GRIK5: variants seen among roughly 807,000 people sequenced by gnomAD.
GRIK5 encodes glutamate receptor ionotropic, kainate 5.
GRIK5 carries 43 observed loss-of-function variants against 97.4 expected under a neutral mutation model. The ratio of observed to expected loss-of-function variants is 0.44; its 90% CI spans 0.35 to 0.57. GRIK5 has a LOEUF of 0.57. Ranked by LOEUF, GRIK5 falls within the 20% of genes least tolerant of loss-of-function variation. GRIK5 has a pLI of 0.01. For synonymous variants in GRIK5, 580 were observed against 583.5 expected (o/e 0.99, Z 0.09); for missense variants, 1,015 against 1,382.0 (o/e 0.73, Z 4.21).
In GRIK5 at chr19:42,069,689, A is replaced by AGGAAGCC. The variant is rs2076396805; in HGVS notation, c.-506_-500dup. ...AGGGGGCGAGGACTGGGTGGAGAAA[A>AGGAAGCC]GGAAGCCGGCCATCAGGAGAAGTGG... On this transcript the variant is annotated 5_prime_UTR_variant, in exon 1 of 20. It removes the in-frame stop codon of an upstream open reading frame in the 5' UTR. Coordinates refer to ENST00000593562, the MANE Select transcript of GRIK5 (RefSeq NM_002088.5). 8.0e-6 allele frequency among the ~76,000 whole-genome samples: 1 copy of AGGAAGCC among 124,622 alleles called. No individual in the cohort carries two copies. Among genetic ancestry groups the AGGAAGCC allele is most frequent in the East Asian group, 2.6e-4 (1 of 3,802 alleles). The allele number at this position is 124,622 out of a possible 152,430, so 81.8% of individuals were successfully genotyped here.
At chr19:42,011,590 G>T (rs2075563509) in intron 15 of GRIK5, among the ~76,000 whole-genome samples, 1 of 149,506 alleles carries the variant, frequency 6.7e-6, no homozygotes, top group Non-Finnish European at 1.5e-5. Context: ...ATAAATTAAA[G>T]ATCCATATTG....
chr19:42,054,480 G>T lies in GRIK5; in HGVS notation c.904-8C>A. Reference sequence around the variant, plus strand: ...CATCAGGGCGGCTGACAGCTGCGGTGGGACAGAGGCGGGGGTGGGATGGAT... The same window carrying T: ...CATCAGGGCGGCTGACAGCTGCGGTTGGACAGAGGCGGGGGTGGGATGGAT... On this transcript the variant is annotated splice_polypyrimidine_tract_variant and splice_region_variant and intron_variant, in intron 8 of 19. Transcript: ENST00000593562. The T allele has an allele frequency of 6.2e-7, 1 of 1,611,102 alleles. No individual in the cohort carries two copies.
intron 12 of GRIK5, among the ~76,000 whole-genome samples, chr19:42,038,431 G>C (rs1403611039): frequency 6.6e-6 from 1 of 152,246 alleles, no homozygotes; most frequent in Non-Finnish European, 1.5e-5. Flanking sequence ...GGCTCTCCTG[G>C]TCACTAGCCA....
At chr19:42,030,887 T>C (rs537035443) in intron 12 of GRIK5, among the ~76,000 whole-genome samples, 2 of 152,296 alleles carry the variant, frequency 1.3e-5, no homozygotes, top group East Asian at 3.9e-4. Flanking sequence ...CTGATCAGCA[T>C]ACTGTTGTCA....
In GRIK5 at chr19:42,003,354, C is replaced by T. The variant is rs781893931; in HGVS notation, c.2492G>A (p.Arg831Gln). The change falls in exon 19 of 20, where the codon CGG (arginine) becomes CAG (glutamine). Residue 831 changes from arginine (R) to glutamine (Q), a missense_variant. Transcript: ENST00000593562. The surrounding 1 kb of genome is among the most constrained non-coding windows in gnomAD (Gnocchi z 4.2). ...VAVMEFIWSTRRSAESEEVSV... is the reference protein window; with the variant it reads ...VAVMEFIWSTQRSAESEEVSV... ...CACCTCCTCGGACTCAGCTGACCTC[C>T]GTGTGGACCATATGAATTCCATGAC... 3.3e-5 allele frequency: 54 copies of T among 1,613,222 alleles called. No homozygotes were observed. In the East Asian group the frequency reaches 4.7e-4, roughly 14 times the overall value.
rs1007588070 is a variant in GRIK5 at position 42,069,816 on chromosome 19, C to T, written c.-626G>A. On this transcript the variant is annotated 5_prime_UTR_variant, in exon 1 of 20. Transcript: ENST00000593562. ...GAGGCAAGGGCCCGGAGTCCTCAAG[C>T]CCTCAGCCCCCACGGGAAAAGCATG... 2.0e-5 allele frequency among the ~76,000 whole-genome samples: 3 copies of T among 151,958 alleles called. No homozygotes were observed. Among genetic ancestry groups the T allele is most frequent in the Admixed American group, 2.0e-4 (3 of 15,278 alleles).
chr19:42,010,927 TC>T (rs1174029948), intron 15 of GRIK5, among the ~76,000 whole-genome samples: 2 of 151,988 alleles, frequency 1.3e-5, no homozygotes, highest in African/African-American at 4.8e-5. Flanking sequence ...CACCTCAGCC[TC>T]CCACGGAGCT....
intron 12 of GRIK5, among the ~76,000 whole-genome samples, chr19:42,032,552 G>A (rs1356284213): frequency 6.6e-6 from 1 of 152,172 alleles, no homozygotes; most frequent in Admixed American, 6.6e-5. Flanking sequence ...TAGCAAAGCT[G>A]GAAGCCATCC....
chr19:42,025,936 C>T (rs923362866), intron 12 of GRIK5, among the ~76,000 whole-genome samples: 3 of 152,142 alleles, frequency 2.0e-5, no homozygotes, highest in African/African-American at 7.2e-5. Context: ...GTAGCAAGAC[C>T]CCATCTCTAC....
chr19:42,066,709 T>G (rs2076337981), intron 1 of GRIK5, among the ~76,000 whole-genome samples: 1 of 147,476 alleles, frequency 6.8e-6, no homozygotes, highest in Non-Finnish European at 1.5e-5. Context: ...GACAGGAGGA[T>G]GAGGAGGCAA....
chr19:42,005,735 C>T lies in GRIK5; in HGVS notation c.2251G>A (p.Gly751Ser). 6.2e-7 allele frequency: 1 copy of T among 1,609,862 alleles called. No homozygotes were observed. The highest frequency in any genetic ancestry group is 8.5e-7 in the Non-Finnish European group (1 of 1,176,182). The change falls in exon 17 of 20, where the codon GGC (glycine) becomes AGC (serine). Residue 751 changes from glycine (G) to serine (S), a missense_variant. By Grantham distance (56) the Gly-to-Ser change is moderately conservative (BLOSUM62 0). This residue lies in a region of GRIK5 where 229 missense variants were observed against 341.0 expected (regional missense o/e 0.67). Transcript: ENST00000593562. ...GLLDTKGYGIGMPLGSPFRDE... is the reference protein window; with the variant it reads ...GLLDTKGYGISMPLGSPFRDE... ...TGCTGTGCCGTACCCAGCGGCATGC[C>T]AATGCCGTAGCCCTTGGTGTCGAGG...
At chr19:42,024,488 C>T in intron 12 of GRIK5, among the ~76,000 whole-genome samples, 1 of 152,178 alleles carries the variant, frequency 6.6e-6, no homozygotes, top group Admixed American at 6.5e-5. Flanking sequence ...GTTGGGATTA[C>T]AGGCGTGAGC....
chr19:42,054,041 G>A, intron 9 of GRIK5, 112 bp from the exon 10 acceptor site: 1 of 714,068 alleles, frequency 1.4e-6, no homozygotes, highest in Non-Finnish European at 2.4e-6. Flanking sequence ...GACCGGGGTG[G>A]AGGGGACAAG....
rs2076400861 is a variant in GRIK5, at chr19:42,069,930, G to A, written c.-740C>T. Among the ~76,000 whole-genome samples, 1 of 152,090 alleles carries A rather than the reference G, an allele frequency of 6.6e-6. No individual in the cohort carries two copies. Among genetic ancestry groups the A allele is most frequent in the Non-Finnish European group, 1.5e-5 (1 of 67,982 alleles). ...AGGCCAAGAAGGGGGCAAATGAGGTGGAGAGATAGGGAGGAGGGAGAGGAG... is the reference window on the plus strand; with the variant it reads ...AGGCCAAGAAGGGGGCAAATGAGGTAGAGAGATAGGGAGGAGGGAGAGGAG... On this transcript the variant is annotated 5_prime_UTR_variant, in exon 1 of 20. Coordinates refer to ENST00000593562, the MANE Select transcript of GRIK5 (RefSeq NM_002088.5).
intron 5 of GRIK5, among the ~76,000 whole-genome samples, chr19:42,060,674 C>T (rs2076246989): frequency 1.3e-5 from 2 of 152,030 alleles, no homozygotes; most frequent in South Asian, 4.2e-4. Context: ...CTGTTCTGCA[C>T]ACACCATAGT....
At chr19:42,017,662 A>G (rs2075640731) in intron 15 of GRIK5, among the ~76,000 whole-genome samples, 2 of 152,186 alleles carry the variant, frequency 1.3e-5, no homozygotes, top group African/African-American at 4.8e-5. Context: ...GAGAGTTTCT[A>G]GAAGGGTGGC....
intron 12 of GRIK5, among the ~76,000 whole-genome samples, chr19:42,034,584 C>T (rs1404783399): frequency 6.6e-6 from 1 of 152,026 alleles, no homozygotes; most frequent in East Asian, 1.9e-4. Context: ...TTATTTGCTG[C>T]GCACCAGCTG....
chr19:42,021,441 T>C lies in GRIK5; in HGVS notation c.1731A>G (p.Pro577=), dbSNP rs2075695778. The C allele has an allele frequency of 6.2e-7, 1 of 1,602,176 alleles. No homozygotes were observed. The highest frequency in any genetic ancestry group is 8.5e-7 in the Non-Finnish European group (1 of 1,173,076). ...GGATGTGGGGGCGTGCCCGCAGGCA[T>C]GGGTGTGGGTTATACCACTCATAGG... ...LSPYEWYNPH[P]CLRARPHILE... is the part of the protein sequence containing the mutation. The change falls in exon 15 of 20, where the codon CCA becomes CCG. Residue 577 remains proline (P), a synonymous_variant. Transcript: ENST00000593562. The surrounding 1 kb of genome is among the most constrained non-coding windows in gnomAD (Gnocchi z 4.2).
At chr19:42,063,132 G>A (rs2076283530) in intron 3 of GRIK5, among the ~76,000 whole-genome samples, 1 of 152,160 alleles carries the variant, frequency 6.6e-6, no homozygotes, top group African/African-American at 2.4e-5. Context: ...GACACCAGGG[G>A]CCTCCTCTGC....
Sources: gnomAD v4.1 joint callset for allele counts (sites outside exome capture counted in the v4.1 genomes callset) on GRCh38, gnomAD v4.1.1 for gene constraint, gnomAD v4.1.1 regional missense constraint, Gnocchi (gnomAD v3.1) non-coding constraint, MANE v1.5 for transcripts, NCBI Gene and HGNC (gene_info 2026-07-23, HGNC 2026-07-21) for gene names.